Variants in SLC26A4 observed in about 807,000 individuals in gnomAD.
SLC26A4 encodes solute carrier family 26 member 4.
In SLC26A4, 93 loss-of-function variants were observed where a neutral mutation model predicts 90.4. The ratio of observed to expected loss-of-function variants is 1.03; its 90% CI spans 0.87 to 1.22. The LOEUF (loss-of-function observed/expected upper bound fraction) is 1.22, where lower values mean the gene tolerates loss of function less well. Ranked by LOEUF, SLC26A4 falls within the 50% of genes most tolerant of loss-of-function variation. SLC26A4 has a pLI of 0.00. For synonymous variants in SLC26A4, 393 were observed against 354.6 expected (o/e 1.11, Z -1.22); for missense variants, 1,127 against 946.2 (o/e 1.19, Z -2.51).
At chr7:107,713,174 G>A (rs557099006) in intron 20 of SLC26A4, among the ~76,000 whole-genome samples, 6 of 152,312 alleles carry the variant, frequency 3.9e-5, no homozygotes, top group East Asian at 3.9e-4. Context: ...TGGATAAGAG[G>A]TGAACACTGA....
chr7:107,666,854 A>T (rs188025800), intron 3 of SLC26A4, among the ~76,000 whole-genome samples: 2 of 152,254 alleles, frequency 1.3e-5, no homozygotes, highest in Non-Finnish European at 1.5e-5. Context: ...CATTTGCCTC[A>T]CCCTATTCCT....
chr7:107,696,188 AC>A, intron 13 of SLC26A4, 149 bp downstream of exon 13: 1 of 703,184 alleles, frequency 1.4e-6, no homozygotes, highest in Non-Finnish European at 2.6e-6. Flanking sequence ...ACAGTGTTTT[AC>A]AGACATACTT....
rs1790959702 is a variant in SLC26A4 at position 107,674,317 on chromosome 7, G to A, written c.569G>A (p.Ser190Asn). The A allele has an allele frequency of 6.2e-7, 1 of 1,613,590 alleles. No homozygotes were observed. The highest frequency in any genetic ancestry group is 8.5e-7 in the Non-Finnish European group (1 of 1,179,652). Residue 190 changes from serine to asparagine, a missense_variant, in exon 5 of 21, where the codon AGT (serine) becomes AAT (asparagine). By Grantham distance (46) the Ser-to-Asn change is conservative (BLOSUM62 1). Coordinates refer to ENST00000644269, the MANE Select transcript of SLC26A4 (RefSeq NM_000441.2). Reference sequence around the variant, plus strand: ...GATACAGCTAGAGTCCTGATTGCCAGTGCCCTGACTCTGCTGGTTGGAATT... The same window carrying A: ...GATACAGCTAGAGTCCTGATTGCCAATGCCCTGACTCTGCTGGTTGGAATT... ...ARDTARVLIA[S>N]ALTLLVGIIQ...
At chr7:107,698,906 T>C (rs942133071) in intron 14 of SLC26A4, among the ~76,000 whole-genome samples, 9 of 151,982 alleles carry the variant, frequency 5.9e-5, no homozygotes, top group African/African-American at 2.2e-4. Context: ...GCAAATAAAA[T>C]TGCTTAGTGG....
chr7:107,694,308 G>A, intron 10 of SLC26A4, 95 bp from the exon 11 acceptor site: 1 of 886,766 alleles, frequency 1.1e-6, no homozygotes, highest in Non-Finnish European at 1.9e-6. Flanking sequence ...TATGAAGTGT[G>A]TCTGTGAACA....
chr7:107,661,714 C>T lies in SLC26A4; in HGVS notation c.73C>T (p.Pro25Ser), dbSNP rs551733961. 1.9e-5 allele frequency: 30 copies of T among 1,566,150 alleles called. No homozygotes were observed. Among genetic ancestry groups the T allele is most frequent in the Non-Finnish European group, 2.5e-5 (29 of 1,159,576 alleles). The change falls in exon 2 of 21, where the codon CCG (proline) becomes TCG (serine). Residue 25 changes from proline (P) to serine (S), a missense_variant. Physicochemically the swap from Pro to Ser is moderately conservative, Grantham distance 74. Transcript: ENST00000644269. This position sits in a 1 kb window ranked among gnomAD's most constrained non-coding sequence, Gnocchi z 5.1. ...CAGCTGCAGCTACATGGTGTCGCGGCCGGTCTACAGCGAGCTCGCTTTCCA... is the reference window on the plus strand; with the variant it reads ...CAGCTGCAGCTACATGGTGTCGCGGTCGGTCTACAGCGAGCTCGCTTTCCA... Reference protein sequence around the residue: ...EYSCSYMVSRPVYSELAFQQQ... With the variant: ...EYSCSYMVSRSVYSELAFQQQ...
intron 10 of SLC26A4, chr7:107,691,755 T>C: frequency 9.7e-7 from 1 of 1,033,846 alleles, no homozygotes; most frequent in Non-Finnish European, 1.2e-6. Flanking sequence ...AATTTTATTT[T>C]CAGAATTTTT....
At position 107,715,534 on chromosome 7, in the gene SLC26A4, A is replaced by G; in HGVS notation, c.*88A>G. 1.0e-6 allele frequency: 1 copy of G among 989,970 alleles called. No homozygotes were observed. The allele number at this position is 989,970 out of a possible 1,614,324, so 61.3% of individuals were successfully genotyped here. ...CTATTTCTTCAGACTCAAAACACTC[A>G]TTCTTTTTTCTATTAAGCCATTGAA... On this transcript the variant is annotated 3_prime_UTR_variant, in exon 21 of 21. Transcript: ENST00000644269.
Position 107,664,092 on chromosome 7 carries a change from A to G in SLC26A4, c.304+657A>G, listed in dbSNP as rs116170160. On this transcript the variant is annotated intron_variant, in intron 3 of 20. Transcript: ENST00000644269. The stretch of plus-strand genomic sequence containing the variant: ...GTTACATCCTGATATATACATATAT[A>G]TCTAAAGTTCCTGTGAAATATTTAT... Among the ~76,000 whole-genome samples the G allele has an allele frequency of 3.8e-3, 583 of 152,340 alleles. 4 individuals are homozygous for G. The highest frequency in any genetic ancestry group is 0.013 in the African/African-American group (549 of 41,586).
intron 4 of SLC26A4, among the ~76,000 whole-genome samples, chr7:107,672,926 A>G (rs1790914329): frequency 6.6e-6 from 1 of 152,218 alleles, no homozygotes; most frequent in Non-Finnish European, 1.5e-5. Flanking sequence ...TTGCTCCTAC[A>G]TCCATCTGCT....
chr7:107,683,229 G>A lies in SLC26A4; in HGVS notation c.793G>A (p.Gly265Ser), dbSNP rs772214513. 6.2e-7 allele frequency: 1 copy of A among 1,612,250 alleles called. No individual in the cohort carries two copies. Among genetic ancestry groups the A allele is most frequent in the Non-Finnish European group, 8.5e-7 (1 of 1,179,664 alleles). ...YTLVEIFQNIGDTNLADFTAG... is the reference protein window; with the variant it reads ...YTLVEIFQNISDTNLADFTAG... The stretch of plus-strand genomic sequence containing the variant: ...GCTGGTTGAGATTTTTCAAAATATT[G>A]GTGATACCAATCTTGCTGATTTCAC... The change falls in exon 7 of 21, where the codon GGT (glycine) becomes AGT (serine). Residue 265 changes from glycine to serine, a missense_variant. Transcript: ENST00000644269.
At chr7:107,702,219 C>T (rs1407815808) in intron 17 of SLC26A4, among the ~76,000 whole-genome samples, 162 bp downstream of exon 17, 1 of 152,154 alleles carries the variant, frequency 6.6e-6, no homozygotes, top group Admixed American at 6.5e-5. Context: ...GGCTCTGGAG[C>T]CAGACTACCT....
intron 18 of SLC26A4, among the ~76,000 whole-genome samples, chr7:107,707,357 G>A (rs1373252738): frequency 1.3e-5 from 2 of 152,118 alleles, no homozygotes; most frequent in Non-Finnish European, 2.9e-5. Context: ...TCCAACGAAT[G>A]GTATGAATTC....
At position 107,672,255 on chromosome 7, in the gene SLC26A4, A is replaced by ATAAGT. The variant is rs1330602139; in HGVS notation, c.415+8_415+12dup. 9.2e-6 allele frequency: 14 copies of ATAAGT among 1,517,218 alleles called. No homozygotes were observed. The highest frequency in any genetic ancestry group is 1.3e-5 in the Non-Finnish European group (14 of 1,092,208). The allele number at this position is 1,517,218 out of a possible 1,614,324, so 94.0% of individuals were successfully genotyped here. ...TCAAGACATATCTCAGTTGGTAATT[A>ATAAGT]TAAGTATATTTTACAATTATATTTG... On this transcript the variant is annotated splice_region_variant and intron_variant, in intron 4 of 20. Transcript: ENST00000644269.
intron 8 of SLC26A4, among the ~76,000 whole-genome samples, chr7:107,686,429 C>CT (rs1042838853): frequency 4.1e-4 from 34 of 83,774 alleles, no homozygotes; most frequent in African/African-American, 2.0e-3. Context: ...TTCTTTCTTT[C>CT]TTTCTTTCTT....
chr7:107,714,581 T>G (rs1792289046), intron 20 of SLC26A4, among the ~76,000 whole-genome samples: 1 of 152,140 alleles, frequency 6.6e-6, no homozygotes, highest in South Asian at 2.1e-4. Flanking sequence ...ATGTCAACAT[T>G]AAAACTTAAG....
chr7:107,695,994 C>T lies in SLC26A4; in HGVS notation c.1499C>T (p.Ala500Val). 3 of 1,612,584 alleles carry T rather than the reference C, an allele frequency of 1.9e-6. No individual in the cohort carries two copies. In the South Asian group the frequency reaches 3.3e-5, roughly 18 times the overall value. ...CTGGGGCTGGATCTCGGTTTACTAG[C>T]TGGCCTTATATTTGGACTGTTGACT... ...IILGLDLGLL[A>V]GLIFGLLTVV... Residue 500 changes from alanine to valine, a missense_variant, in exon 13 of 21, where the codon GCT (alanine) becomes GTT (valine). Coordinates refer to ENST00000644269, the MANE Select transcript of SLC26A4 (RefSeq NM_000441.2).
At chr7:107,686,589 G>A (rs755594316) in intron 8 of SLC26A4, among the ~76,000 whole-genome samples, 7 of 151,888 alleles carry the variant, frequency 4.6e-5, no homozygotes, top group Non-Finnish European at 1.0e-4. Flanking sequence ...CCAGGTTCAA[G>A]CAATTCTCCT....
chr7:107,702,135 C>A, intron 17 of SLC26A4, 78 bp downstream of exon 17: 2 of 894,700 alleles, frequency 2.2e-6, no homozygotes, highest in Middle Eastern at 2.1e-4. Flanking sequence ...AGTATTGCAA[C>A]AGGGCAAATA....
Sources: gnomAD v4.1 joint callset for allele counts (sites outside exome capture counted in the v4.1 genomes callset) on GRCh38, gnomAD v4.1.1 for gene constraint, Gnocchi (gnomAD v3.1) non-coding constraint, MANE v1.5 for transcripts, NCBI Gene and HGNC (gene_info 2026-07-23, HGNC 2026-07-21) for gene names.